DLG2: variants seen among roughly 807,000 people sequenced by gnomAD.
DLG2 encodes discs large MAGUK scaffold protein 2, also known as disks large homolog 2.
DLG2 carries 45 observed loss-of-function variants against 132.5 expected under a neutral mutation model. That is an observed-to-expected ratio of 0.34 (90% CI 0.27 to 0.44). The LOEUF is 0.44. Among genes scored for constraint, DLG2 ranks in the 20% least tolerant of loss-of-function variants. The pLI is 1.00. For missense variants in DLG2, 1,045 were observed against 1,196.9 expected, an observed-to-expected ratio of 0.87 and a Z score of 1.87; for synonymous variants, 424 against 419.6, an observed-to-expected ratio of 1.01 and a Z score of -0.13.
intron 19 of DLG2, among the ~76,000 whole-genome samples, chr11:83,583,974 T>C (rs553636940): frequency 2.0e-5 from 3 of 152,204 alleles, no homozygotes; most frequent in South Asian, 4.2e-4. Flanking sequence ...GAAATCTGTA[T>C]TTTTTTTCTA....
At chr11:84,659,491 A>G (rs2099692186) in intron 6 of DLG2, among the ~76,000 whole-genome samples, 2 of 152,136 alleles carry the variant, frequency 1.3e-5, no homozygotes, top group Admixed American at 1.3e-4. Flanking sequence ...TAGAAGCTCT[A>G]CTATCTCTTT....
At chr11:84,781,924 G>A (rs1284393520) in intron 6 of DLG2, among the ~76,000 whole-genome samples, 1 of 152,070 alleles carries the variant, frequency 6.6e-6, no homozygotes, top group East Asian at 1.9e-4. Flanking sequence ...GCTGGATGGA[G>A]GACAGACCTA....
In DLG2 at chr11:83,725,009, C is replaced by A. The variant is rs1193548205; in HGVS notation, c.1825+61681G>T. On this transcript the variant is annotated intron_variant, in intron 18 of 27. Coordinates refer to ENST00000376104, the MANE Select transcript of DLG2 (RefSeq NM_001142699.3). The stretch of plus-strand genomic sequence containing the variant: ...TGACGCTCTTGAGTGGTGGCCAAAG[C>A]CTGTTAGGAGTGAAGCAGGTAGGGC... 3 of 678,198 alleles carry A rather than the reference C, an allele frequency of 4.4e-6. No individual in the cohort carries two copies. In the African/African-American group the frequency reaches 5.3e-5, roughly 12 times the overall value. 42.0% of individuals were successfully genotyped at this position (678,198 alleles called of 1,614,324 possible).
chr11:83,472,570 G>C (rs778985555), intron 23 of DLG2, among the ~76,000 whole-genome samples, 157 bp downstream of exon 23: 1 of 152,154 alleles, frequency 6.6e-6, no homozygotes, highest in Non-Finnish European at 1.5e-5. Flanking sequence ...GTCAAAGAGA[G>C]AGAAAGTGAG....
At chr11:84,061,219 T>A (rs1430177774) in intron 10 of DLG2, among the ~76,000 whole-genome samples, 1 of 152,182 alleles carries the variant, frequency 6.6e-6, no homozygotes, top group African/African-American at 2.4e-5. Context: ...TATATTCTCA[T>A]CTGTAAATTG....
rs1310067432 is a variant in DLG2 at position 84,934,519 on chromosome 11, TGTTTTG to T, written c.357+177136_357+177141del. Among the ~76,000 whole-genome samples the T allele has an allele frequency of 2.3e-3, 202 of 86,204 alleles. 10 individuals are homozygous for T. The highest frequency in any genetic ancestry group is 6.4e-3 in the African/African-American group (118 of 18,428). 56.6% of individuals were successfully genotyped at this position (86,204 alleles called of 152,430 possible). ...GGTCCTGGGTGTTTTTTTTTTGTTT[TGTTTTG>T]TTTTTTTTTTTTTTTTTTTTTGGTG... On this transcript the variant is annotated intron_variant, in intron 6 of 27. Transcript: ENST00000376104.
intron 4 of DLG2, among the ~76,000 whole-genome samples, chr11:85,173,729 A>T (rs897160750): frequency 2.0e-5 from 3 of 152,216 alleles, no homozygotes; most frequent in Non-Finnish European, 4.4e-5. Context: ...TAAGAGACCC[A>T]TCTCATGTGT....
chr11:84,225,264 G>T (rs1028613124), intron 8 of DLG2, among the ~76,000 whole-genome samples: 1 of 152,144 alleles, frequency 6.6e-6, no homozygotes, highest in African/African-American at 2.4e-5. Context: ...CTTCTAATAT[G>T]TTTTCTATGC....
At chr11:85,509,442 T>C (rs1290579173) in intron 3 of DLG2, among the ~76,000 whole-genome samples, 1 of 152,052 alleles carries the variant, frequency 6.6e-6, no homozygotes, top group Non-Finnish European at 1.5e-5. Context: ...GCACATTGAC[T>C]AACCCGAATG....
intron 3 of DLG2, among the ~76,000 whole-genome samples, chr11:85,500,958 C>T (rs1401933959): frequency 6.6e-6 from 1 of 152,124 alleles, no homozygotes; most frequent in Non-Finnish European, 1.5e-5. Flanking sequence ...CTCCCATAGC[C>T]AAGACAATCC....
intron 7 of DLG2, among the ~76,000 whole-genome samples, chr11:84,258,560 T>C (rs1405013978): frequency 6.6e-6 from 1 of 152,094 alleles, no homozygotes; most frequent in Non-Finnish European, 1.5e-5. Flanking sequence ...GAAAACATTA[T>C]TGTTCCCATT....
chr11:85,135,224 G>A (rs2076066417), intron 5 of DLG2, among the ~76,000 whole-genome samples: 1 of 152,118 alleles, frequency 6.6e-6, no homozygotes, highest in South Asian at 2.1e-4. Context: ...CCTTAAAGTT[G>A]ACAAAGAACT....
At chr11:85,071,920 T>G (rs1370798013) in intron 6 of DLG2, among the ~76,000 whole-genome samples, 3 of 151,854 alleles carry the variant, frequency 2.0e-5, no homozygotes, top group Admixed American at 6.6e-5. Flanking sequence ...TCCTACCCAG[T>G]TTTTATGCAA....
intron 7 of DLG2, among the ~76,000 whole-genome samples, chr11:84,462,959 GA>G (rs2099084485): frequency 6.6e-6 from 1 of 151,214 alleles, no homozygotes; most frequent in African/African-American, 2.4e-5. Flanking sequence ...CTAGCTTTCG[GA>G]AGTGTCAAGT....
At chr11:84,181,848 T>C (rs969975622) in intron 8 of DLG2, among the ~76,000 whole-genome samples, 2 of 152,158 alleles carry the variant, frequency 1.3e-5, no homozygotes, top group Admixed American at 1.3e-4. Context: ...TTAATATGTA[T>C]GGGCTGAACA....
chr11:84,342,744 G>C (rs1251702139), intron 7 of DLG2, among the ~76,000 whole-genome samples: 2 of 152,034 alleles, frequency 1.3e-5, no homozygotes, highest in Non-Finnish European at 2.9e-5. Context: ...TAGGCAACAG[G>C]CTCAGGGAAA....
intron 3 of DLG2, among the ~76,000 whole-genome samples, chr11:85,302,146 G>A (rs2079624370): frequency 1.3e-5 from 2 of 152,130 alleles, no homozygotes; most frequent in South Asian, 2.1e-4. Flanking sequence ...CGCACATTCT[G>A]TTCCTCTTTA....
At chr11:85,081,188 A>G (rs2067184397) in intron 6 of DLG2, among the ~76,000 whole-genome samples, 2 of 152,208 alleles carry the variant, frequency 1.3e-5, no homozygotes, top group Non-Finnish European at 2.9e-5. Flanking sequence ...GCCCATTTAT[A>G]TAACCTGAAA....
chr11:85,117,152 C>T (rs574843133), intron 5 of DLG2, among the ~76,000 whole-genome samples: 2 of 152,134 alleles, frequency 1.3e-5, no homozygotes, highest in East Asian at 3.9e-4. Flanking sequence ...GTCAAGACAA[C>T]CCTCCATATA....
Sources: allele counts gnomAD v4.1 joint callset (sites outside exome capture counted in the v4.1 genomes callset), GRCh38; gene constraint gnomAD v4.1.1; transcripts MANE v1.5; gene names NCBI Gene and HGNC (gene_info 2026-07-23, HGNC 2026-07-21).